The following EEFSEC variants were observed in gnomAD, a reference collection of about 807,000 sequenced individuals.
The protein encoded by EEFSEC is eukaryotic elongation factor, selenocysteine-tRNA specific, also known as selenocysteine-specific elongation factor.
A neutral mutation model predicts 42.1 loss-of-function variants in EEFSEC; 43 were observed. The ratio of observed to expected loss-of-function variants is 1.02; its 90% CI spans 0.80 to 1.32. The LOEUF is 1.32. EEFSEC is among the 40% of genes most tolerant of loss of function. EEFSEC has a pLI of 0.00. For synonymous variants in EEFSEC, 354 were observed against 339.1 expected (o/e 1.04, Z -0.48); for missense variants, 745 against 803.6 (o/e 0.93, Z 0.88).
At chr3:128,242,323 T>TA (rs2066080682) in intron 1 of EEFSEC, among the ~76,000 whole-genome samples, 1 of 151,926 alleles carries the variant, frequency 6.6e-6, no homozygotes, top group Non-Finnish European at 1.5e-5. Context: ...CCTCTAAAAT[T>TA]AAAAAAATAA....
chr3:128,399,987 T>C (rs1288043781), intron 6 of EEFSEC, among the ~76,000 whole-genome samples: 1 of 152,116 alleles, frequency 6.6e-6, no homozygotes, highest in Non-Finnish European at 1.5e-5. Flanking sequence ...CGCTGATAGA[T>C]GGGGGTGTTG....
intron 1 of EEFSEC, among the ~76,000 whole-genome samples, chr3:128,221,681 A>G (rs2065862395): frequency 6.6e-6 from 1 of 152,232 alleles, no homozygotes; most frequent in African/African-American, 2.4e-5. Flanking sequence ...GAGTTTACAG[A>G]CAAAATTACA....
At chr3:128,220,104 C>T (rs1458121852) in intron 1 of EEFSEC, among the ~76,000 whole-genome samples, 2 of 152,190 alleles carry the variant, frequency 1.3e-5, no homozygotes, top group Non-Finnish European at 2.9e-5. Context: ...AGGATTACAA[C>T]TCCTGGAGAT....
the EEFSEC span, among the ~76,000 whole-genome samples, chr3:128,422,181 C>G: frequency 3.3e-4 from 50 of 152,290 alleles, 1 homozygote; most frequent in Middle Eastern, 0.01. Flanking sequence ...CTGAGGCTGG[C>G]ATCTCAGCCC....
At chr3:128,299,420 G>A (rs528589608) in intron 4 of EEFSEC, among the ~76,000 whole-genome samples, 2 of 152,194 alleles carry the variant, frequency 1.3e-5, no homozygotes, top group East Asian at 3.9e-4. Context: ...GATTATTTAT[G>A]TGTTTTTGTT....
chr3:128,322,994 G>A (rs1405234163), intron 4 of EEFSEC, among the ~76,000 whole-genome samples: 1 of 152,174 alleles, frequency 6.6e-6, no homozygotes, highest in Non-Finnish European at 1.5e-5. Context: ...CCCATTCAGA[G>A]TATTTGCTTA....
At chr3:128,414,885 A>AGAG in the EEFSEC span, among the ~76,000 whole-genome samples, 4 of 152,136 alleles carry the variant, frequency 2.6e-5, no homozygotes, top group Admixed American at 2.0e-4. Context: ...GAGTCAGTAA[A>AGAG]GAGGAGGAGG....
intron 4 of EEFSEC, among the ~76,000 whole-genome samples, chr3:128,301,735 G>A (rs1173645348): frequency 2.0e-5 from 3 of 152,184 alleles, no homozygotes; most frequent in Non-Finnish European, 4.4e-5. Flanking sequence ...GAGAAGTCCT[G>A]AGGGGTGAGC....
intron 6 of EEFSEC, among the ~76,000 whole-genome samples, chr3:128,380,511 G>A (rs1185590000): frequency 1.3e-5 from 2 of 152,114 alleles, no homozygotes; most frequent in African/African-American, 2.4e-5. Context: ...TGCTCTCTTC[G>A]GCTGGTGGCC....
chr3:128,261,990 T>A (rs1415691445), intron 2 of EEFSEC, 138 bp from the exon 3 acceptor site: 2 of 772,320 alleles, frequency 2.6e-6, no homozygotes, highest in Non-Finnish European at 4.4e-6. Flanking sequence ...ACAGTGGTGC[T>A]GTCTTCTAGG....
chr3:128,274,791 G>A (rs191222793), intron 4 of EEFSEC, among the ~76,000 whole-genome samples: 17 of 152,346 alleles, frequency 1.1e-4, no homozygotes, highest in African/African-American at 3.8e-4. Context: ...TAAACGGCCA[G>A]CTGTGTGACT....
At chr3:128,297,622 C>CGG (rs1460448700) in intron 4 of EEFSEC, among the ~76,000 whole-genome samples, 8 of 152,312 alleles carry the variant, frequency 5.3e-5, no homozygotes, top group Admixed American at 4.6e-4. Flanking sequence ...TCTCATGTCT[C>CGG]GGATAGCCTC....
intron 5 of EEFSEC, among the ~76,000 whole-genome samples, chr3:128,352,619 G>A (rs141207032): frequency 3.2e-4 from 48 of 152,310 alleles, no homozygotes; most frequent in Admixed American, 4.6e-4. Context: ...TGCAGGTGGC[G>A]GCCATTGAGT....
the EEFSEC span, among the ~76,000 whole-genome samples, chr3:128,420,220 A>G: frequency 4.5e-3 from 685 of 152,340 alleles, 6 homozygotes; most frequent in African/African-American, 0.016. Flanking sequence ...GCCTGCTTGG[A>G]TTGGTCAGAA....
intron 1 of EEFSEC, among the ~76,000 whole-genome samples, chr3:128,160,168 T>G (rs566529689): frequency 6.6e-6 from 1 of 152,376 alleles, no homozygotes; most frequent in East Asian, 1.9e-4. Context: ...ATTATGCAGG[T>G]TGGTTCTTTG....
chr3:128,393,104 T>A (rs2067936166), intron 6 of EEFSEC, among the ~76,000 whole-genome samples: 1 of 152,192 alleles, frequency 6.6e-6, no homozygotes, highest in Non-Finnish European at 1.5e-5. Flanking sequence ...TCCACATACT[T>A]TGTTTAAAAA....
chr3:128,195,836 T>C (rs2065579002), intron 1 of EEFSEC, among the ~76,000 whole-genome samples: 1 of 152,150 alleles, frequency 6.6e-6, no homozygotes, highest in Admixed American at 6.5e-5. Flanking sequence ...ATTAGAGAGC[T>C]CTTTGAGAAA....
chr3:128,302,668 C>T (rs1053643524), intron 4 of EEFSEC, among the ~76,000 whole-genome samples: 1 of 151,534 alleles, frequency 6.6e-6, no homozygotes, highest in African/African-American at 2.4e-5. Flanking sequence ...TCTAACAGCA[C>T]GAAAGTTACA....
At chr3:128,365,294 C>T (rs2067577103) in intron 6 of EEFSEC, among the ~76,000 whole-genome samples, 1 of 152,196 alleles carries the variant, frequency 6.6e-6, no homozygotes, top group Non-Finnish European at 1.5e-5. Flanking sequence ...GTGAACCACT[C>T]TCTGGTTTAG....
Sources: gnomAD v4.1 joint callset for allele counts (sites outside exome capture counted in the v4.1 genomes callset) on GRCh38, gnomAD v4.1.1 for gene constraint, MANE v1.5 for transcripts, NCBI Gene and HGNC (gene_info 2026-07-23, HGNC 2026-07-21) for gene names.